LIMCH1: variants seen among roughly 807,000 people sequenced by gnomAD.
The protein encoded by LIMCH1 is LIM and calponin homology domains 1.
LIMCH1 carries 113 observed loss-of-function variants against 176.5 expected under a neutral mutation model. The observed-to-expected ratio is 0.64, with a 90% CI of 0.55 to 0.75. The LOEUF (loss-of-function observed/expected upper bound fraction) is 0.75, where lower values mean the gene tolerates loss of function less well. Ranked by LOEUF, LIMCH1 falls within the 30% of genes least tolerant of loss-of-function variation. LIMCH1 has a pLI of 0.00. For synonymous variants in LIMCH1, 619 were observed against 645.9 expected, an observed-to-expected ratio of 0.96 and a Z score of 0.63; for missense variants, 1,674 against 1,814.9, an observed-to-expected ratio of 0.92 and a Z score of 1.41.
chr4:41,681,385 C>T (rs1715662473), intron 25 of LIMCH1, among the ~76,000 whole-genome samples: 1 of 152,208 alleles, frequency 6.6e-6, no homozygotes, highest in Admixed American at 6.5e-5. Flanking sequence ...TCTCACAGCC[C>T]AGTTGCCAGA....
chr4:41,483,530 G>T (rs1400929121), intron 1 of LIMCH1, among the ~76,000 whole-genome samples: 1 of 152,090 alleles, frequency 6.6e-6, no homozygotes, highest in East Asian at 1.9e-4. Context: ...CCATCTTCTG[G>T]GTTGTCTCTT....
chr4:41,484,152 T>C (rs573876889), intron 1 of LIMCH1, among the ~76,000 whole-genome samples: 42 of 152,380 alleles, frequency 2.8e-4, no homozygotes, highest in Admixed American at 1.4e-3. Flanking sequence ...TCTTCAGTTA[T>C]GCAATTTGTG....
chr4:41,619,059 G>T (rs2092363247), intron 5 of LIMCH1, 129 bp from the exon 6 acceptor site: 3 of 1,074,280 alleles, frequency 2.8e-6, no homozygotes, highest in Non-Finnish European at 4.1e-6. Context: ...CTTTAGATTT[G>T]TTAAGTGAAT....
At position 41,429,850 on chromosome 4, in the gene LIMCH1, CCT is replaced by C. The variant is rs1240498909; in HGVS notation, c.97-64685_97-64684del. ...GTAGATGCACGTTGATAGATATCCC[CCT>C]GTCACCAGTTACAAGGGAAGGAAAG... On this transcript the variant is annotated intron_variant, in intron 1 of 26. Transcript: ENST00000313860. Among the ~76,000 whole-genome samples the C allele has an allele frequency of 2.7e-5, 4 of 147,968 alleles. No homozygotes were observed. In the Admixed American group the frequency reaches 2.7e-4, roughly 10 times the overall value.
intron 1 of LIMCH1, among the ~76,000 whole-genome samples, chr4:41,366,754 T>G (rs1223902355): frequency 1.3e-5 from 2 of 152,222 alleles, no homozygotes; most frequent in African/African-American, 2.4e-5. Flanking sequence ...GGAATTCAGT[T>G]CTGCTGTGAT....
intron 3 of LIMCH1, among the ~76,000 whole-genome samples, chr4:41,531,217 C>T (rs1460343184): frequency 1.3e-5 from 2 of 152,022 alleles, no homozygotes; most frequent in African/African-American, 4.8e-5. Flanking sequence ...AGAAATCAGA[C>T]TCTCTCATTT....
intron 1 of LIMCH1, among the ~76,000 whole-genome samples, chr4:41,574,323 T>C (rs2084093815): frequency 7.9e-6 from 1 of 127,008 alleles, no homozygotes; most frequent in South Asian, 2.9e-4. Context: ...AGACAGAACC[T>C]TGCTGTGTCG....
intron 1 of LIMCH1, among the ~76,000 whole-genome samples, chr4:41,569,719 T>C (rs1486999858): frequency 1.3e-5 from 2 of 152,178 alleles, no homozygotes; most frequent in Non-Finnish European, 2.9e-5. Flanking sequence ...AAGGACCATA[T>C]TCAATATTGA....
intron 2 of LIMCH1, among the ~76,000 whole-genome samples, chr4:41,519,745 G>T (rs959772289): frequency 1.3e-5 from 2 of 152,174 alleles, no homozygotes; most frequent in Admixed American, 1.3e-4. Context: ...GAATGAATTT[G>T]CAAGTTTCCA....
chr4:41,427,490 A>G (rs1217227812), intron 1 of LIMCH1, among the ~76,000 whole-genome samples: 2 of 152,176 alleles, frequency 1.3e-5, no homozygotes, highest in Admixed American at 6.5e-5. Flanking sequence ...GTCTTAGGCA[A>G]GAAATCACTT....
intron 1 of LIMCH1, among the ~76,000 whole-genome samples, chr4:41,570,067 C>T (rs1436005828): frequency 6.6e-6 from 1 of 152,220 alleles, no homozygotes; most frequent in Non-Finnish European, 1.5e-5. Context: ...TGGTGGACAG[C>T]AGGTCCCAGC....
intron 29 of LIMCH1, among the ~76,000 whole-genome samples, chr4:41,689,118 G>C (rs530511910): frequency 6.6e-6 from 1 of 152,262 alleles, no homozygotes; most frequent in South Asian, 2.1e-4. Flanking sequence ...TAGTGGACCA[G>C]TGAACCACTT....
At chr4:41,481,224 C>A (rs1336266515) in intron 1 of LIMCH1, among the ~76,000 whole-genome samples, 1 of 152,128 alleles carries the variant, frequency 6.6e-6, no homozygotes, top group African/African-American at 2.4e-5. Flanking sequence ...TGTGCTGTTT[C>A]TTTGCCAACA....
intron 13 of LIMCH1, among the ~76,000 whole-genome samples, chr4:41,635,418 G>A (rs1322608147): frequency 1.3e-5 from 2 of 152,108 alleles, no homozygotes; most frequent in African/African-American, 2.4e-5. Flanking sequence ...AGTAGAGACG[G>A]GGTTTCGCTG....
intron 13 of LIMCH1, among the ~76,000 whole-genome samples, chr4:41,638,102 T>TTTG (rs146967384): frequency 0.057 from 4,993 of 87,056 alleles, 171 homozygotes; most frequent in African/African-American, 0.14. Context: ...GCTGTGTTGT[T>TTTG]TTGTTGTTGT....
chr4:41,523,976 G>T (rs1189572255), intron 2 of LIMCH1, among the ~76,000 whole-genome samples: 2 of 152,160 alleles, frequency 1.3e-5, no homozygotes, highest in Non-Finnish European at 2.9e-5. Context: ...AATGTGTCTT[G>T]GCGAATCATT....
chr4:41,466,199 C>T (rs1435704926), intron 1 of LIMCH1, among the ~76,000 whole-genome samples: 4 of 152,214 alleles, frequency 2.6e-5, no homozygotes, highest in Admixed American at 2.0e-4. Context: ...CCTTGTGATC[C>T]GCCTGCCTTG....
chr4:41,568,357 T>C (rs2083053964), intron 1 of LIMCH1, among the ~76,000 whole-genome samples: 1 of 152,188 alleles, frequency 6.6e-6, no homozygotes, highest in Non-Finnish European at 1.5e-5. Context: ...AAGGTCCAGC[T>C]TCAGGAGAGC....
intron 1 of LIMCH1, chr4:41,472,884 T>G (rs1561479922): frequency 2.9e-6 from 1 of 339,836 alleles, no homozygotes. Flanking sequence ...TCCCCAAGCT[T>G]ACTTGACCAT....
Sources: gnomAD v4.1 joint callset for allele counts (sites outside exome capture counted in the v4.1 genomes callset) on GRCh38, gnomAD v4.1.1 for gene constraint, MANE v1.5 for transcripts, NCBI Gene and HGNC (gene_info 2026-07-23, HGNC 2026-07-21) for gene names.